ALK: variants seen among roughly 807,000 people sequenced by gnomAD.
ALK encodes the protein ALK tyrosine kinase receptor.
A neutral mutation model predicts 163.1 loss-of-function variants in ALK; 74 were observed. The observed-to-expected ratio is 0.45, with a 90% CI of 0.38 to 0.55. ALK has a LOEUF of 0.55. ALK is among the 20% of genes least tolerant of loss of function. The pLI is 0.00. For missense variants in ALK, 2,063 were observed against 2,105.3 expected (o/e 0.98, Z 0.39); for synonymous variants, 960 against 843.2 (o/e 1.14, Z -2.40).
At position 29,783,643 on chromosome 2, in the gene ALK, T is replaced by A. The variant is rs558452652; in HGVS notation, c.668-65946A>T. 3.3e-5 allele frequency among the ~76,000 whole-genome samples: 5 copies of A among 152,260 alleles called. No individual in the cohort carries two copies. In the East Asian group the frequency reaches 7.7e-4, roughly 24 times the overall value. On this transcript the variant is annotated intron_variant, in intron 1 of 28. Transcript: ENST00000389048. ...AATTTTGTGAGAAATCTCTACTGAG[T>A]TTTGCTGTCCCAGGAGAGGAGTTGG...
rs567016479 is a variant in ALK, at chr2:29,788,925, T to A, written c.668-71228A>T. Among the ~76,000 whole-genome samples, 3 of 152,132 alleles carry A rather than the reference T, an allele frequency of 2.0e-5. No individual in the cohort carries two copies. In the South Asian group the frequency reaches 6.2e-4, roughly 32 times the overall value. ...ACACTTCTTTCTGAAGGTAAAAGAG[T>A]TAGTAGACTGGTTGTTTCTTCCTTC... On this transcript the variant is annotated intron_variant, in intron 1 of 28. Coordinates refer to ENST00000389048, the MANE Select transcript of ALK (RefSeq NM_004304.5).
chr2:29,269,406 C>A (rs1003969687), intron 11 of ALK, among the ~76,000 whole-genome samples: 74 of 152,280 alleles, frequency 4.9e-4, no homozygotes, highest in African/African-American at 1.8e-3. Flanking sequence ...AGCGTGAAAG[C>A]CTCTTCCACT....
At chr2:29,313,102 G>A (rs764528494) in intron 8 of ALK, among the ~76,000 whole-genome samples, 18 of 152,210 alleles carry the variant, frequency 1.2e-4, no homozygotes, top group Non-Finnish European at 2.5e-4. Context: ...TGCATGGGCA[G>A]AGAGGCTGGT....
chr2:29,606,103 A>G (rs1675535250), intron 3 of ALK, among the ~76,000 whole-genome samples: 1 of 151,832 alleles, frequency 6.6e-6, no homozygotes, highest in South Asian at 2.1e-4. Flanking sequence ...TTTTCTAATC[A>G]CTCTTCATGT....
At chr2:29,808,677 G>T (rs1664678219) in intron 1 of ALK, among the ~76,000 whole-genome samples, 1 of 152,172 alleles carries the variant, frequency 6.6e-6, no homozygotes, top group African/African-American at 2.4e-5. Flanking sequence ...CATGAAGGGT[G>T]GTGTCAGCAC....
chr2:29,241,651 G>T (rs1271177449), intron 12 of ALK, among the ~76,000 whole-genome samples: 2 of 151,980 alleles, frequency 1.3e-5, no homozygotes, highest in Non-Finnish European at 2.9e-5. Context: ...GGAGCCTCAA[G>T]TATGTCTGGC....
At chr2:29,861,976 C>T (rs1420390483) in intron 1 of ALK, among the ~76,000 whole-genome samples, 1 of 152,076 alleles carries the variant, frequency 6.6e-6, no homozygotes, top group Non-Finnish European at 1.5e-5. Context: ...GCTCAAAATA[C>T]ACAAATCAAT....
At position 29,383,761 on chromosome 2, in the gene ALK, T is replaced by A; in HGVS notation, c.1253A>T (p.Asp418Val). ...ACTGCAGTTCTTCAGGGCAAAGAAG[T>A]CCACTGCAGACAAGCTGCGGTTTCC... ...SSGNRSLSAVDFFALKNCSEG... is the reference protein window; with the variant it reads ...SSGNRSLSAVVFFALKNCSEG... The change falls in exon 5 of 29, where the codon GAC becomes GTC. Residue 418 changes from aspartate to valine, a missense_variant. Around this residue, in one of 5 missense-constraint regions of ALK, gnomAD observed 987 missense variants for 939.5 expected, o/e 1.05. Transcript: ENST00000389048. 2 of 1,614,110 alleles carry A rather than the reference T, an allele frequency of 1.2e-6. No homozygotes were observed. Among genetic ancestry groups the A allele is most frequent in the Non-Finnish European group, 1.7e-6 (2 of 1,179,986 alleles).
At chr2:29,433,798 C>A (rs1233341000) in intron 4 of ALK, among the ~76,000 whole-genome samples, 5 of 151,828 alleles carry the variant, frequency 3.3e-5, no homozygotes, top group Non-Finnish European at 5.9e-5. Context: ...TATGGGTATA[C>A]CCAGACTATA....
intron 4 of ALK, among the ~76,000 whole-genome samples, chr2:29,429,937 G>T (rs1670233987): frequency 6.6e-6 from 1 of 152,042 alleles, no homozygotes. Flanking sequence ...TCTTGAGAGG[G>T]TACCAAGACA....
intron 1 of ALK, among the ~76,000 whole-genome samples, chr2:29,820,372 G>A (rs930497268): frequency 9.2e-5 from 14 of 152,124 alleles, no homozygotes; most frequent in Non-Finnish European, 1.5e-5. Context: ...CCAACAGCTT[G>A]ACTGCAACCT....
At chr2:29,792,697 G>A (rs972524358) in intron 1 of ALK, among the ~76,000 whole-genome samples, 6 of 151,300 alleles carry the variant, frequency 4.0e-5, no homozygotes, top group African/African-American at 1.2e-4. Flanking sequence ...AGCAAGTATT[G>A]CAATAAAGCA....
At chr2:29,244,382 G>T (rs539226546) in intron 12 of ALK, among the ~76,000 whole-genome samples, 39 of 152,212 alleles carry the variant, frequency 2.6e-4, no homozygotes, top group Non-Finnish European at 5.4e-4. Flanking sequence ...TGGTCAGCGG[G>T]AGATTTCTGA....
In ALK at chr2:29,766,378, C is replaced by T. The variant is rs1385410447; in HGVS notation, c.668-48681G>A. On this transcript the variant is annotated intron_variant, in intron 1 of 28. Transcript: ENST00000389048. ...TGGCATTTATTCTTACACAGCATAG[C>T]TCCTTTCTCTCCCCCAGCCACCATG... Among the ~76,000 whole-genome samples, 6 of 152,162 alleles carry T rather than the reference C, an allele frequency of 3.9e-5. No individual in the cohort carries two copies. In the East Asian group the frequency reaches 1.2e-3, roughly 29 times the overall value.
chr2:29,436,863 A>C (rs1670413694), intron 4 of ALK, among the ~76,000 whole-genome samples: 1 of 152,164 alleles, frequency 6.6e-6, no homozygotes, highest in Admixed American at 6.6e-5. Context: ...CAGCCAGAGG[A>C]GAAAATGGCT....
At chr2:29,224,805 T>C (rs2148174579) in intron 19 of ALK, 1 of 217,346 alleles carries the variant, frequency 4.6e-6, no homozygotes, top group Non-Finnish European at 9.3e-6. Flanking sequence ...TGTGCTGCCA[T>C]CTCCCTTCTA....
intron 1 of ALK, among the ~76,000 whole-genome samples, chr2:29,825,049 A>C (rs912734908): frequency 6.6e-6 from 1 of 152,144 alleles, no homozygotes; most frequent in African/African-American, 2.4e-5. Context: ...GGCTCATGAG[A>C]TCTGATGGTT....
intron 1 of ALK, among the ~76,000 whole-genome samples, chr2:29,814,700 G>A (rs1664850591): frequency 6.6e-6 from 1 of 151,934 alleles, no homozygotes; most frequent in Non-Finnish European, 1.5e-5. Flanking sequence ...AAAAGAGTCA[G>A]GCATGCCTAA....
intron 1 of ALK, among the ~76,000 whole-genome samples, chr2:29,865,527 T>G (rs1360411159): frequency 1.3e-5 from 2 of 152,220 alleles, no homozygotes; most frequent in Non-Finnish European, 2.9e-5. Flanking sequence ...ATCCAGACAC[T>G]CATGGATACA....
Sources: allele counts gnomAD v4.1 joint callset (sites outside exome capture counted in the v4.1 genomes callset), GRCh38; gene constraint gnomAD v4.1.1; regional missense constraint gnomAD v4.1.1; transcripts MANE v1.5; gene names NCBI Gene and HGNC (gene_info 2026-07-23, HGNC 2026-07-21).